Variants in KCNN2 observed in about 807,000 individuals in gnomAD.
The protein encoded by KCNN2 is potassium calcium-activated channel subfamily N member 2, also known as small conductance calcium-activated potassium channel protein 2.
KCNN2 carries 24 observed loss-of-function variants against 55.5 expected under a neutral mutation model. The ratio of observed to expected loss-of-function variants is 0.43; its 90% CI spans 0.31 to 0.61. The LOEUF (loss-of-function observed/expected upper bound fraction) is 0.61. Ranked by LOEUF, KCNN2 falls within the 20% of genes least tolerant of loss-of-function variation. KCNN2 has a pLI of 0.08. For synonymous variants in KCNN2, 431 were observed against 336.1 expected, an observed-to-expected ratio of 1.28 and a Z score of -3.09; for missense variants, 754 against 853.6, an observed-to-expected ratio of 0.88 and a Z score of 1.45.
chr5:114,444,591 G>A (rs992882794), intron 3 of KCNN2, among the ~76,000 whole-genome samples: 4 of 152,122 alleles, frequency 2.6e-5, no homozygotes, highest in Admixed American at 1.3e-4. Context: ...GAACGTCAGG[G>A]TTCCTTGATT....
chr5:114,298,053 T>C (rs998262511), intron 2 of KCNN2, among the ~76,000 whole-genome samples: 2 of 152,214 alleles, frequency 1.3e-5, no homozygotes, highest in Non-Finnish European at 2.9e-5. Flanking sequence ...AATTAGGAGT[T>C]AGTGTATGTC....
intron 2 of KCNN2, among the ~76,000 whole-genome samples, chr5:114,390,654 G>A (rs1373970306): frequency 6.6e-6 from 1 of 152,098 alleles, no homozygotes; most frequent in Non-Finnish European, 1.5e-5. Context: ...ATTGTGGCAT[G>A]TCGAAATCAA....
intron 1 of KCNN2, among the ~76,000 whole-genome samples, chr5:114,153,657 A>G (rs969742871): frequency 1.3e-5 from 2 of 152,196 alleles, no homozygotes; most frequent in African/African-American, 4.8e-5. Flanking sequence ...CTTACGGTGG[A>G]TAGTAAGCAG....
chr5:114,202,143 G>T (rs1180382407), intron 1 of KCNN2, among the ~76,000 whole-genome samples: 1 of 152,022 alleles, frequency 6.6e-6, no homozygotes, highest in African/African-American at 2.4e-5. Context: ...CTAGTAGCTG[G>T]GCTGTCAAAG....
intron 1 of KCNN2, among the ~76,000 whole-genome samples, chr5:114,161,484 A>T (rs1257253234): frequency 1.3e-5 from 2 of 151,100 alleles, no homozygotes; most frequent in Non-Finnish European, 2.9e-5. Context: ...TGTGTCTTGG[A>T]GTTGCTCTTC....
At chr5:114,456,580 A>G in intron 3 of KCNN2, among the ~76,000 whole-genome samples, 1 of 152,178 alleles carries the variant, frequency 6.6e-6, no homozygotes, top group East Asian at 1.9e-4. Context: ...TCAAAAATAC[A>G]TTTTGTAAGG....
At chr5:114,172,369 C>T (rs1046114711) in intron 1 of KCNN2, among the ~76,000 whole-genome samples, 2 of 151,682 alleles carry the variant, frequency 1.3e-5, no homozygotes, top group Non-Finnish European at 3.0e-5. Context: ...ACCTGTTAAG[C>T]CAATATCTCC....
intron 1 of KCNN2, among the ~76,000 whole-genome samples, chr5:114,088,051 C>A (rs766388881): frequency 6.6e-6 from 1 of 151,956 alleles, no homozygotes; most frequent in South Asian, 2.1e-4. Context: ...ATCTTTAGTG[C>A]GAATCTGCTG....
intron 2 of KCNN2, among the ~76,000 whole-genome samples, chr5:114,265,195 T>C (rs1435366980): frequency 1.3e-5 from 2 of 151,932 alleles, no homozygotes; most frequent in East Asian, 1.9e-4. Flanking sequence ...TTTGTAGATA[T>C]ATTCAGAAAA....
At chr5:114,106,836 T>G (rs2112577082) in intron 1 of KCNN2, among the ~76,000 whole-genome samples, 1 of 152,216 alleles carries the variant, frequency 6.6e-6, no homozygotes, top group South Asian at 2.1e-4. Context: ...GTTTGACTTC[T>G]TACTGTCTTA....
At chr5:114,214,482 A>G (rs556336997) in intron 1 of KCNN2, among the ~76,000 whole-genome samples, 2 of 152,210 alleles carry the variant, frequency 1.3e-5, no homozygotes, top group African/African-American at 4.8e-5. Context: ...CAAACACTCA[A>G]CTAAAGCATG....
chr5:114,302,222 A>G (rs923883870), intron 2 of KCNN2, among the ~76,000 whole-genome samples: 8 of 152,228 alleles, frequency 5.3e-5, no homozygotes, highest in Non-Finnish European at 1.0e-4. Context: ...ATAGTTACTA[A>G]CAGTACATTT....
intron 1 of KCNN2, among the ~76,000 whole-genome samples, chr5:114,168,918 C>A (rs1174364101): frequency 6.6e-6 from 1 of 152,068 alleles, no homozygotes; most frequent in African/African-American, 2.4e-5. Context: ...GAATTGTGAT[C>A]CCACGTATTG....
rs144230025 is a variant in KCNN2 at position 114,440,637 on chromosome 5, G to GC, written c.1638-22410dup. 1.5e-3 allele frequency among the ~76,000 whole-genome samples: 196 copies of GC among 130,382 alleles called. 1 individual carries two copies. The highest frequency in any genetic ancestry group is 5.6e-3 in the African/African-American group (193 of 34,706). The allele number at this position is 130,382 out of a possible 152,430, so 85.5% of individuals were successfully genotyped here. A position where few individuals can be genotyped will look rare whatever the true frequency, so the allele number is the denominator to read the frequency against. The stretch of plus-strand genomic sequence containing the variant: ...TGGTACAGGTGTGATTAGATTTAAA[G>GC]CCTTCTAAGGGTCATGTACCTGCAC... On this transcript the variant is annotated intron_variant, in intron 3 of 7. Transcript: ENST00000673685.
At chr5:114,483,675 A>G (rs1042719813) in intron 5 of KCNN2, among the ~76,000 whole-genome samples, 1 of 151,500 alleles carries the variant, frequency 6.6e-6, no homozygotes, top group African/African-American at 2.4e-5. Context: ...ATTACGGTTG[A>G]TTACTAGTGA....
chr5:114,337,746 C>T (rs1303176360), intron 2 of KCNN2, among the ~76,000 whole-genome samples: 1 of 152,076 alleles, frequency 6.6e-6, no homozygotes, highest in Non-Finnish European at 1.5e-5. Flanking sequence ...GAATTTTACC[C>T]TGAATTTTAC....
At chr5:114,268,911 G>A (rs768822981) in intron 2 of KCNN2, among the ~76,000 whole-genome samples, 9 of 151,926 alleles carry the variant, frequency 5.9e-5, no homozygotes, top group Non-Finnish European at 1.2e-4. Flanking sequence ...AAGTCACTAT[G>A]CCTCAGGTCT....
intron 2 of KCNN2, among the ~76,000 whole-genome samples, chr5:114,293,370 G>A (rs1161830814): frequency 1.3e-5 from 2 of 152,144 alleles, no homozygotes; most frequent in Non-Finnish European, 1.5e-5. Context: ...CGTCCCATCA[G>A]TACCTAATTT....
intron 2 of KCNN2, among the ~76,000 whole-genome samples, chr5:114,319,412 C>T (rs1756571057): frequency 6.6e-6 from 1 of 152,162 alleles, no homozygotes; most frequent in African/African-American, 2.4e-5. Flanking sequence ...GCCTTTCTGT[C>T]ATCAGTTGGC....
Sources: allele counts gnomAD v4.1 joint callset (sites outside exome capture counted in the v4.1 genomes callset), GRCh38; gene constraint gnomAD v4.1.1; transcripts MANE v1.5; gene names NCBI Gene and HGNC (gene_info 2026-07-23, HGNC 2026-07-21).